Variants in TCF20 observed in about 807,000 individuals in gnomAD.
TCF20 encodes transcription factor 20, also known as SPRE-binding protein.
TCF20 carries 3 observed loss-of-function variants against 148.6 expected under a neutral mutation model. The ratio of observed to expected loss-of-function variants is 0.02; its 90% CI spans 0.01 to 0.05. The LOEUF is 0.05. Among genes scored for constraint, TCF20 ranks in the 10% least tolerant of loss-of-function variants. The probability of loss-of-function intolerance (pLI) is 1.00; values close to 1 mark genes in which losing one functional copy is unlikely to be tolerated. For synonymous variants in TCF20, 1,049 were observed against 909.5 expected (o/e 1.15, Z -2.76); for missense variants, 2,350 against 2,429.3 (o/e 0.97, Z 0.69).
At chr22:42,319,934 G>C (rs571998921) in intron 1 of TCF20, among the ~76,000 whole-genome samples, 1 of 151,984 alleles carries the variant, frequency 6.6e-6, no homozygotes, top group East Asian at 1.9e-4. Flanking sequence ...CCCAGCACCT[G>C]GTCTCTCCCA....
chr22:42,211,872 T>C lies in TCF20; in HGVS notation c.3434A>G (p.Tyr1145Cys). Reference sequence around the variant, plus strand: ...ATGGTAAGTCCCCACTGGTGGGCCATACATCATACCATCTTTGTCATTTTT... The same window carrying C: ...ATGGTAAGTCCCCACTGGTGGGCCACACATCATACCATCTTTGTCATTTTT... The part of the protein sequence containing the change: ...PLKNDKDGMM[Y>C]GPPVGTYHDP... The change falls in exon 2 of 6, where the codon TAT becomes TGT. Residue 1145 changes from tyrosine to cysteine, a missense_variant. This residue lies in a region of TCF20 where 1,641 missense variants were observed against 1,662.6 expected (regional missense o/e 0.99). Transcript: ENST00000677622. 6.2e-7 allele frequency: 1 copy of C among 1,614,194 alleles called. No individual in the cohort carries two copies. The highest frequency in any genetic ancestry group is 1.3e-5 in the African/African-American group (1 of 75,044).
Position 42,297,200 on chromosome 22 carries a change from C to G in TCF20, c.-37+46279G>C, listed in dbSNP as rs1927252242. Among the ~76,000 whole-genome samples, 1 of 152,148 alleles carries G rather than the reference C, an allele frequency of 6.6e-6. No homozygotes were observed. Among genetic ancestry groups the G allele is most frequent in the Non-Finnish European group, 1.5e-5 (1 of 68,028 alleles). On this transcript the variant is annotated intron_variant, in intron 1 of 1. Transcript: ENST00000515426. This position sits in a 1 kb window ranked among gnomAD's most constrained non-coding sequence, Gnocchi z 4.3. ...GGGCGACCTTGGGCAAGGAGGCTGC[C>G]CATCTGGAAAATGGGCATGATCAGA...
intron 1 of TCF20, among the ~76,000 whole-genome samples, chr22:42,246,855 A>T (rs1327816743): frequency 6.6e-6 from 1 of 151,760 alleles, no homozygotes; most frequent in Non-Finnish European, 1.5e-5. Flanking sequence ...AATCCCAGCT[A>T]CTTGGGAGGC....
At chr22:42,278,969 A>G (rs138486432) in intron 1 of TCF20, 2 of 152,388 alleles carry the variant, frequency 1.3e-5, no homozygotes, top group Non-Finnish European at 2.9e-5. Context: ...CTTCCTCAGC[A>G]GACATGATGG....
intron 1 of TCF20, among the ~76,000 whole-genome samples, chr22:42,301,412 G>T (rs1927334363): frequency 1.3e-5 from 2 of 152,230 alleles, no homozygotes; most frequent in African/African-American, 2.4e-5. Context: ...GGGTGAGGGG[G>T]CTATGGTGGG....
chr22:42,234,885 A>C (rs1168527883), intron 1 of TCF20, among the ~76,000 whole-genome samples: 1 of 152,136 alleles, frequency 6.6e-6, no homozygotes, highest in Non-Finnish European at 1.5e-5. Flanking sequence ...CACGCCTGTA[A>C]ATCCCAGAAC....
At chr22:42,319,237 C>T (rs1018878210) in intron 1 of TCF20, among the ~76,000 whole-genome samples, 4 of 152,156 alleles carry the variant, frequency 2.6e-5, no homozygotes, top group Admixed American at 6.5e-5. Context: ...TGTGGGAGGA[C>T]ATTCCAAGCA....
intron 1 of TCF20, among the ~76,000 whole-genome samples, chr22:42,316,173 T>A (rs948407841): frequency 6.6e-6 from 1 of 151,306 alleles, no homozygotes. Flanking sequence ...ATTTGGACTT[T>A]ATCCGAGCAC....
chr22:42,161,381 T>C, intron 5 of TCF20, 23 bp from the exon 6 acceptor site: 1 of 1,613,886 alleles, frequency 6.2e-7, no homozygotes, highest in Non-Finnish European at 8.5e-7. Context: ...GGACACACAG[T>C]GAAGGCCAGG....
At chr22:42,203,589 T>C (rs968889519) in intron 2 of TCF20, among the ~76,000 whole-genome samples, 6 of 152,198 alleles carry the variant, frequency 3.9e-5, no homozygotes, top group African/African-American at 9.7e-5. Context: ...CATGCAGTGA[T>C]ATAAAAAGAT....
intron 1 of TCF20, among the ~76,000 whole-genome samples, chr22:42,243,310 A>AAAAAAAAAACAAAAAAAAAAAC (rs1924618517): frequency 7.1e-6 from 1 of 140,864 alleles, no homozygotes; most frequent in African/African-American, 3.0e-5. Flanking sequence ...AAAAAAAAAA[A>AAAAAAAAAACAAAAAAAAAAAC]AAAAAAAAAA....
chr22:42,208,790 A>G (rs1028091940), intron 2 of TCF20, among the ~76,000 whole-genome samples: 1 of 152,196 alleles, frequency 6.6e-6, no homozygotes, highest in African/African-American at 2.4e-5. Context: ...GAGCAGAGAA[A>G]ATAGAGGGAA....
chr22:42,248,625 C>A (rs1925111993), intron 1 of TCF20, among the ~76,000 whole-genome samples: 1 of 152,088 alleles, frequency 6.6e-6, no homozygotes, highest in African/African-American at 2.4e-5. Flanking sequence ...TCCCAAATGC[C>A]ATAATCCTGA....
rs59283483 is a variant in TCF20 at position 42,221,739 on chromosome 22, G to GTTTTTTTT, written c.-36-6406_-36-6399dup. On this transcript the variant is annotated intron_variant, in intron 1 of 5. Coordinates refer to ENST00000677622, the MANE Select transcript of TCF20 (RefSeq NM_001378418.1). ...GGGCTTATTAACCATATGGCAAAGG[G>GTTTTTTTT]TTTTTTTTTTTTTTTTTGAGACGGA... is the stretch of plus-strand genomic sequence containing the variant. Among the ~76,000 whole-genome samples the GTTTTTTTT allele has an allele frequency of 9.5e-4, 88 of 92,802 alleles. 26 individuals are homozygous for GTTTTTTTT. The highest frequency in any genetic ancestry group is 2.0e-3 in the African/African-American group (40 of 19,692). The allele number at this position is 92,802 out of a possible 152,430, so 60.9% of individuals were successfully genotyped here.
chr22:42,324,023 T>A (rs866889810), intron 1 of TCF20, among the ~76,000 whole-genome samples: 19 of 141,778 alleles, frequency 1.3e-4, no homozygotes, highest in East Asian at 4.5e-4. Flanking sequence ...ATGGTGGTGG[T>A]GGTGGTGATG....
In TCF20 at chr22:42,269,332, T is replaced by G. The variant is rs138656503; in HGVS notation, c.-37+1007A>C. ...AGCAAAAAGGAAAAGGGGGAAATCC[T>G]AATTTTGACCTGACCCCTAAGGTCA... On this transcript the variant is annotated intron_variant, in intron 1 of 5. Coordinates refer to ENST00000677622, the MANE Select transcript of TCF20 (RefSeq NM_001378418.1). 6.4e-4 allele frequency among the ~76,000 whole-genome samples: 98 copies of G among 152,296 alleles called. 1 individual carries two copies. The highest frequency in any genetic ancestry group is 2.1e-3 in the African/African-American group (88 of 41,560).
chr22:42,182,499 G>C (rs184094353), intron 2 of TCF20, among the ~76,000 whole-genome samples: 2 of 152,212 alleles, frequency 1.3e-5, no homozygotes, highest in African/African-American at 4.8e-5. Context: ...AAGACGTGGA[G>C]CTTAGATCTG....
At chr22:42,250,318 C>A (rs1360132320) in intron 1 of TCF20, among the ~76,000 whole-genome samples, 1 of 151,776 alleles carries the variant, frequency 6.6e-6, no homozygotes, top group Admixed American at 6.6e-5. Context: ...GGTGGCGGGG[C>A]GCCTGTAATC....
At chr22:42,229,246 T>A (rs1012251938) in intron 1 of TCF20, among the ~76,000 whole-genome samples, 7 of 152,106 alleles carry the variant, frequency 4.6e-5, no homozygotes, top group East Asian at 1.9e-4. Flanking sequence ...TCCATAATTA[T>A]GGAATGGCAA....
Sources: allele counts gnomAD v4.1 joint callset (sites outside exome capture counted in the v4.1 genomes callset), GRCh38; gene constraint gnomAD v4.1.1; regional missense constraint gnomAD v4.1.1; non-coding constraint Gnocchi (gnomAD v3.1); transcripts MANE v1.5; gene names NCBI Gene and HGNC (gene_info 2026-07-23, HGNC 2026-07-21).